Variants in LGR6 observed in about 807,000 individuals in gnomAD.
The protein encoded by LGR6 is leucine-rich repeat-containing G protein-coupled receptor 6.
In LGR6, 45 loss-of-function variants were observed where a neutral mutation model predicts 69.4. The ratio of observed to expected loss-of-function variants is 0.65; its 90% CI spans 0.51 to 0.83. The LOEUF is 0.83. Ranked by LOEUF, LGR6 falls within the 40% of genes least tolerant of loss-of-function variation. LGR6 has a pLI of 0.00. For synonymous variants in LGR6, 538 were observed against 555.0 expected (o/e 0.97, Z 0.43); for missense variants, 1,108 against 1,246.7 (o/e 0.89, Z 1.68).
chr1:202,316,052 A>G (rs544500445), intron 17 of LGR6, among the ~76,000 whole-genome samples: 56 of 152,326 alleles, frequency 3.7e-4, no homozygotes, highest in African/African-American at 1.3e-3. Flanking sequence ...ATATAAAAAT[A>G]TTTCTCTGGG....
intron 1 of LGR6, chr1:202,214,132 CA>C: frequency 6.8e-7 from 1 of 1,470,726 alleles, no homozygotes; most frequent in African/African-American, 1.5e-5. Context: ...GCAGAACTGG[CA>C]CTCGAGGTCC....
chr1:202,266,181 A>C (rs985106357), intron 4 of LGR6, among the ~76,000 whole-genome samples: 1 of 151,956 alleles, frequency 6.6e-6, no homozygotes, highest in Non-Finnish European at 1.5e-5. Flanking sequence ...GAATTTGGTC[A>C]TCTTGAGATG....
At chr1:202,297,900 G>A (rs975971821) in intron 7 of LGR6, among the ~76,000 whole-genome samples, 1 of 152,258 alleles carries the variant, frequency 6.6e-6, no homozygotes, top group Non-Finnish European at 1.5e-5. Context: ...TGGTTGGGAT[G>A]TGTCCAGAGA....
chr1:202,273,249 A>G (rs960328965), intron 4 of LGR6, among the ~76,000 whole-genome samples: 4 of 152,148 alleles, frequency 2.6e-5, no homozygotes, highest in African/African-American at 9.7e-5. Context: ...TATTGGTGTC[A>G]TGGTTGTCAC....
chr1:202,299,259 CAAAA>C (rs940683421), intron 7 of LGR6, among the ~76,000 whole-genome samples: 4 of 67,122 alleles, frequency 6.0e-5, no homozygotes, highest in African/African-American at 1.0e-4. Context: ...GACTCTGTCT[CAAAA>C]AAAAAAAAAA....
chr1:202,205,711 TAA>T (rs66893484), intron 1 of LGR6, among the ~76,000 whole-genome samples: 28,845 of 110,364 alleles, frequency 0.26, 3,422 homozygotes, highest in East Asian at 0.44. Context: ...CACACACCCC[TAA>T]CACACACACC....
chr1:202,217,050 T>C (rs10920364), intron 1 of LGR6, among the ~76,000 whole-genome samples: 66,532 of 152,010 alleles, frequency 0.44, 14,735 homozygotes, highest in Non-Finnish European at 0.47. Context: ...CGGGGAGAGC[T>C]AGAGATGTCC....
intron 4 of LGR6, among the ~76,000 whole-genome samples, chr1:202,244,535 T>C (rs531139474): frequency 5.1e-4 from 77 of 152,168 alleles, no homozygotes; most frequent in African/African-American, 1.7e-3. Context: ...TGGCGTTCCT[T>C]GTGGCTGCAT....
intron 12 of LGR6, among the ~76,000 whole-genome samples, 180 bp downstream of exon 12, chr1:202,305,929 A>G (rs1372272380): frequency 6.6e-6 from 1 of 152,168 alleles, no homozygotes; most frequent in Non-Finnish European, 1.5e-5. Flanking sequence ...GGCCTGCACA[A>G]TGGCCCTAGG....
chr1:202,289,198 C>T (rs970609386), intron 6 of LGR6, among the ~76,000 whole-genome samples: 31 of 152,180 alleles, frequency 2.0e-4, no homozygotes, highest in African/African-American at 7.2e-4. Context: ...GAAGTGAAGA[C>T]GGGCACTCCA....
Position 202,214,525 on chromosome 1 carries a change from G to C in LGR6, c.213-10898G>C, listed in dbSNP as rs1027671882. Among the ~76,000 whole-genome samples, 3 of 152,040 alleles carry C rather than the reference G, an allele frequency of 2.0e-5. 1 individual carries two copies. Among genetic ancestry groups the C allele is most frequent in the Non-Finnish European group, 2.9e-5 (2 of 67,976 alleles). ...CCCCCGGGGCCGCCGCTTAGCTCCC[G>C]GGTACGTGCGTGCAGCTAGGGGCTC... On this transcript the variant is annotated intron_variant, in intron 1 of 17. Transcript: ENST00000367278.
chr1:202,210,442 A>AAC lies in LGR6; in HGVS notation c.213-14979_213-14978dup, dbSNP rs1553239219. On this transcript the variant is annotated intron_variant, in intron 1 of 17. Transcript: ENST00000367278. ...GGTACAGAGCAGAAAAAAAAAAAAA[A>AAC]ACAAAAACCCTAGGCTGGAGCAGAT... Among the ~76,000 whole-genome samples, 1,209 of 151,572 alleles carry AAC rather than the reference A, an allele frequency of 8.0e-3. 12 individuals are homozygous for AAC. Among genetic ancestry groups the AAC allele is most frequent in the African/African-American group, 0.027 (1,113 of 41,340 alleles).
Position 202,235,902 on chromosome 1 carries a change from C to G in LGR6, c.357-20C>G. On this transcript the variant is annotated intron_variant, in intron 3 of 17. Transcript: ENST00000367278. Reference sequence around the variant, plus strand: ...CTGCATACCATGTGCGTCCTTAAAGCCCTTTCTCTTCTCCCGTAGGATGCT... The same window carrying G: ...CTGCATACCATGTGCGTCCTTAAAGGCCTTTCTCTTCTCCCGTAGGATGCT... 6.2e-7 allele frequency: 1 copy of G among 1,612,730 alleles called. No homozygotes were observed. Among genetic ancestry groups the G allele is most frequent in the Non-Finnish European group, 8.5e-7 (1 of 1,178,900 alleles).
intron 4 of LGR6, among the ~76,000 whole-genome samples, chr1:202,253,834 C>G: frequency 9.8e-6 from 1 of 102,348 alleles, no homozygotes; most frequent in Non-Finnish European, 1.8e-5. Context: ...GAGACGGAGT[C>G]TCGCTCTGTC....
chr1:202,248,153 G>A (rs979100587), intron 4 of LGR6, among the ~76,000 whole-genome samples: 2 of 152,246 alleles, frequency 1.3e-5, no homozygotes, highest in African/African-American at 2.4e-5. Flanking sequence ...CTGAGGCTGC[G>A]TGGGTGGAGG....
intron 4 of LGR6, among the ~76,000 whole-genome samples, chr1:202,263,761 C>G (rs527732931): frequency 1.3e-5 from 2 of 152,232 alleles, no homozygotes; most frequent in South Asian, 4.2e-4. Context: ...AGAGGGGCAT[C>G]AACCTATACA....
In LGR6 at chr1:202,318,815, C is replaced by A. The variant is rs1654390239; in HGVS notation, c.2512C>A (p.Leu838Ile). The A allele has an allele frequency of 1.2e-6, 2 of 1,613,078 alleles. No homozygotes were observed. Among genetic ancestry groups the A allele is most frequent in the Admixed American group, 1.7e-5 (1 of 59,974 alleles). Residue 838 changes from leucine (L) to isoleucine (I), a missense_variant, in exon 18 of 18, where the codon CTT becomes ATT. Physicochemically the swap from Leu to Ile is conservative, Grantham distance 5. Coordinates refer to ENST00000367278, the MANE Select transcript of LGR6 (RefSeq NM_001017403.2). ...CTTCAACCCCCACTTCCGGGATGAC[C>A]TTCGGCGGCTTCGGCCCCGCGCAGG... ...LLFNPHFRDD[L>I]RRLRPRAGDS...
intron 4 of LGR6, among the ~76,000 whole-genome samples, chr1:202,246,522 A>G (rs1337639114): frequency 6.7e-6 from 1 of 149,760 alleles, no homozygotes; most frequent in African/African-American, 2.5e-5. Flanking sequence ...GCCTAACACA[A>G]GAGATACTGA....
At chr1:202,267,176 T>C (rs1412509601) in intron 4 of LGR6, among the ~76,000 whole-genome samples, 1 of 152,224 alleles carries the variant, frequency 6.6e-6, no homozygotes, top group Non-Finnish European at 1.5e-5. Context: ...AAAGCTCTAT[T>C]GAACAGTGTT....
Sources: allele counts gnomAD v4.1 joint callset (sites outside exome capture counted in the v4.1 genomes callset), GRCh38; gene constraint gnomAD v4.1.1; transcripts MANE v1.5; gene names NCBI Gene and HGNC (gene_info 2026-07-23, HGNC 2026-07-21).